Variants in SDK1 observed in about 807,000 individuals in gnomAD.
SDK1 encodes the protein protein sidekick-1.
A neutral mutation model predicts 245.5 loss-of-function variants in SDK1; 157 were observed. The observed-to-expected ratio is 0.64, with a 90% CI of 0.56 to 0.73. The LOEUF (loss-of-function observed/expected upper bound fraction) is 0.73. SDK1 is among the 30% of genes least tolerant of loss of function. The probability of loss-of-function intolerance (pLI) is 0.00; values close to 1 mark genes in which losing one functional copy is unlikely to be tolerated. For synonymous variants in SDK1, 1,647 were observed against 1,278.5 expected (o/e 1.29, Z -6.15); for missense variants, 3,583 against 3,002.3 (o/e 1.19, Z -4.52).
intron 5 of SDK1, among the ~76,000 whole-genome samples, chr7:3,823,778 C>G (rs1779703276): frequency 6.6e-6 from 1 of 152,016 alleles, no homozygotes; most frequent in South Asian, 2.1e-4. Context: ...AGGACAAAAC[C>G]TACATTTTGT....
At chr7:3,343,523 C>G (rs1378356405) in intron 1 of SDK1, among the ~76,000 whole-genome samples, 1 of 152,126 alleles carries the variant, frequency 6.6e-6, no homozygotes, top group African/African-American at 2.4e-5. Flanking sequence ...ATGGATGTGG[C>G]TAATGAAAGA....
intron 27 of SDK1, among the ~76,000 whole-genome samples, chr7:4,131,164 A>G (rs1784786230): frequency 6.6e-6 from 1 of 152,218 alleles, no homozygotes; most frequent in South Asian, 2.1e-4. Context: ...GAAAGTAAAA[A>G]TGGGCCTATT....
intron 12 of SDK1, among the ~76,000 whole-genome samples, chr7:3,973,023 C>T (rs1040918156): frequency 1.3e-5 from 2 of 152,196 alleles, no homozygotes; most frequent in African/African-American, 2.4e-5. Context: ...GCTACTCTGA[C>T]AGCTCAGAAA....
At chr7:3,368,671 G>T (rs895686001) in intron 1 of SDK1, among the ~76,000 whole-genome samples, 1 of 152,154 alleles carries the variant, frequency 6.6e-6, no homozygotes, top group Non-Finnish European at 1.5e-5. Flanking sequence ...GTGCCCATTT[G>T]TCATTTTCAC....
At chr7:3,653,547 C>T (rs939146931) in intron 4 of SDK1, among the ~76,000 whole-genome samples, 1 of 151,908 alleles carries the variant, frequency 6.6e-6, no homozygotes, top group Non-Finnish European at 1.5e-5. Context: ...GCAGGAGAAG[C>T]CAGTGGAGGA....
Position 4,268,764 on chromosome 7 carries a change from T to C in SDK1, c.*3380T>C. On this transcript the variant is annotated 3_prime_UTR_variant, in exon 45 of 45. Coordinates refer to ENST00000404826, the MANE Select transcript of SDK1 (RefSeq NM_152744.4). ...GCGTCCTGGTAGCATGGATCCAGTC[T>C]GAAAGGTGAGGACAACGTGGAAACT... The C allele has an allele frequency of 7.3e-7, 1 of 1,367,056 alleles. No homozygotes were observed. Among genetic ancestry groups the C allele is most frequent in the East Asian group, 4.6e-5 (1 of 21,946 alleles). 84.7% of individuals were successfully genotyped at this position (1,367,056 alleles called of 1,614,324 possible). A position where few individuals can be genotyped will look rare whatever the true frequency, so the allele number is the denominator to read the frequency against.
chr7:3,885,297 G>A (rs910189586), intron 5 of SDK1, among the ~76,000 whole-genome samples: 3 of 152,252 alleles, frequency 2.0e-5, no homozygotes, highest in Admixed American at 6.5e-5. Context: ...ACTGACTGAC[G>A]CCCGGTGGCA....
At chr7:3,473,244 C>G (rs1781239726) in intron 1 of SDK1, among the ~76,000 whole-genome samples, 1 of 152,178 alleles carries the variant, frequency 6.6e-6, no homozygotes, top group African/African-American at 2.4e-5. Flanking sequence ...TACTCCAAGC[C>G]TTTCACTGTA....
intron 4 of SDK1, among the ~76,000 whole-genome samples, chr7:3,801,978 T>C (rs1182859782): frequency 6.6e-6 from 1 of 152,146 alleles, no homozygotes; most frequent in African/African-American, 2.4e-5. Context: ...TGAGTAGGGG[T>C]ATTCCTTTTT....
At chr7:3,424,595 G>T (rs1431760369) in intron 1 of SDK1, among the ~76,000 whole-genome samples, 2 of 152,118 alleles carry the variant, frequency 1.3e-5, no homozygotes, top group Non-Finnish European at 2.9e-5. Context: ...AGTTTTCAAA[G>T]AATTTCTCTT....
chr7:3,319,165 A>G (rs772017341), intron 1 of SDK1, among the ~76,000 whole-genome samples: 8 of 152,204 alleles, frequency 5.3e-5, no homozygotes, highest in Non-Finnish European at 1.2e-4. Context: ...TGGAAAATAG[A>G]AAAATGTGGT....
intron 1 of SDK1, among the ~76,000 whole-genome samples, chr7:3,471,103 T>C (rs906207556): frequency 1.3e-5 from 2 of 152,180 alleles, no homozygotes; most frequent in African/African-American, 4.8e-5. Flanking sequence ...GAGTTGCTAT[T>C]ATTTGGTAAC....
chr7:3,933,990 TAAG>T (rs1434391872), intron 5 of SDK1, among the ~76,000 whole-genome samples: 1 of 152,192 alleles, frequency 6.6e-6, no homozygotes, highest in Non-Finnish European at 1.5e-5. Flanking sequence ...TTGTTCCTGT[TAAG>T]AAAGTCTTCA....
chr7:3,918,604 GA>G (rs900166878), intron 5 of SDK1, among the ~76,000 whole-genome samples: 1 of 152,154 alleles, frequency 6.6e-6, no homozygotes, highest in African/African-American at 2.4e-5. Context: ...AATAATCATA[GA>G]AATAAAGGGC....
Position 3,875,997 on chromosome 7 carries a change from G to T in SDK1, c.847+54414G>T, listed in dbSNP as rs968547936. ...AAGACACTGTTTCTCACACAATGTG[G>T]GGGAAAGTTTTGCTTGGTAGCCTCT... On this transcript the variant is annotated intron_variant, in intron 5 of 44. Transcript: ENST00000404826. 3.3e-5 allele frequency among the ~76,000 whole-genome samples: 5 copies of T among 152,236 alleles called. No homozygotes were observed. In the South Asian group the frequency reaches 1.0e-3, roughly 32 times the overall value.
In SDK1 at chr7:4,042,102, G is replaced by A. The variant is rs1243186057; in HGVS notation, c.2603-7246G>A. Among the ~76,000 whole-genome samples, 5 of 136,530 alleles carry A rather than the reference G, an allele frequency of 3.7e-5. 1 individual carries two copies. The highest frequency in any genetic ancestry group is 1.3e-4 in the African/African-American group (4 of 29,786). 89.6% of individuals were successfully genotyped at this position (136,530 alleles called of 152,430 possible). ...GCTGGGATTACAGGCATGAACCACCGTGCCCGGCCAACAGTTGCAAATGTT... is the reference window on the plus strand; with the variant it reads ...GCTGGGATTACAGGCATGAACCACCATGCCCGGCCAACAGTTGCAAATGTT... On this transcript the variant is annotated intron_variant, in intron 17 of 44. Coordinates refer to ENST00000404826, the MANE Select transcript of SDK1 (RefSeq NM_152744.4).
chr7:4,084,664 ATGTTATGTTACGTTATGTT>A (rs1156325584), intron 22 of SDK1, among the ~76,000 whole-genome samples: 2 of 107,054 alleles, frequency 1.9e-5, no homozygotes, highest in African/African-American at 1.5e-4. Context: ...TTAAATGTAT[ATGTTATGTTACGTTATGTT>A]ATGTTATGTT....
intron 14 of SDK1, among the ~76,000 whole-genome samples, chr7:4,005,539 A>G (rs979184269): frequency 2.0e-5 from 3 of 151,810 alleles, no homozygotes; most frequent in Admixed American, 6.6e-5. Context: ...GAGCCACTCT[A>G]GGTAGCCGCC....
At chr7:3,661,415 T>G (rs1204151158) in intron 4 of SDK1, among the ~76,000 whole-genome samples, 1 of 152,200 alleles carries the variant, frequency 6.6e-6, no homozygotes, top group African/African-American at 2.4e-5. Context: ...GCCGTTGGCT[T>G]ATCTCTGATC....
Sources: allele counts gnomAD v4.1 joint callset (sites outside exome capture counted in the v4.1 genomes callset), GRCh38; gene constraint gnomAD v4.1.1; transcripts MANE v1.5; gene names NCBI Gene and HGNC (gene_info 2026-07-23, HGNC 2026-07-21).